The following STAG1 variants were observed in gnomAD, a reference collection of about 807,000 sequenced individuals.
STAG1 encodes cohesin subunit SA-1.
In STAG1, 26 loss-of-function variants were observed where a neutral mutation model predicts 170.9. The observed-to-expected ratio is 0.15, with a 90% CI of 0.11 to 0.21. The LOEUF (loss-of-function observed/expected upper bound fraction) is 0.21, where lower values mean the gene tolerates loss of function less well. Ranked by LOEUF, STAG1 falls within the 10% of genes least tolerant of loss-of-function variation. The pLI is 1.00. For missense variants in STAG1, 964 were observed against 1,509.5 expected, an observed-to-expected ratio of 0.64 and a Z score of 5.99; for synonymous variants, 514 against 497.7, an observed-to-expected ratio of 1.03 and a Z score of -0.44.
chr3:136,639,485 A>C (rs1940710909), intron 1 of STAG1, among the ~76,000 whole-genome samples: 2 of 152,228 alleles, frequency 1.3e-5, no homozygotes, highest in African/African-American at 4.8e-5. Context: ...CATACAAATA[A>C]GAATTGTGTG....
chr3:136,611,022 G>A (rs1316139544), intron 3 of STAG1, among the ~76,000 whole-genome samples: 1 of 152,090 alleles, frequency 6.6e-6, no homozygotes, highest in Non-Finnish European at 1.5e-5. Flanking sequence ...CAGACTTCCA[G>A]TTTTTTCAAA....
At chr3:136,508,596 G>A (rs1559847914) in intron 7 of STAG1, among the ~76,000 whole-genome samples, 1 of 152,192 alleles carries the variant, frequency 6.6e-6, no homozygotes, top group East Asian at 1.9e-4. Context: ...GCCGAGGTGG[G>A]AGGATTACAT....
intron 5 of STAG1, among the ~76,000 whole-genome samples, chr3:136,553,965 G>A (rs1044020903): frequency 6.6e-6 from 1 of 151,778 alleles, no homozygotes; most frequent in Non-Finnish European, 1.5e-5. Context: ...CTAAAAGACA[G>A]ACTGAATTAA....
intron 14 of STAG1, among the ~76,000 whole-genome samples, chr3:136,446,690 T>G (rs1370615123): frequency 1.3e-5 from 2 of 152,010 alleles, no homozygotes; most frequent in East Asian, 1.9e-4. Context: ...CCCAAAGTGT[T>G]GGGATTACAG....
intron 1 of STAG1, among the ~76,000 whole-genome samples, chr3:136,720,249 C>G (rs1202827777): frequency 6.6e-6 from 1 of 151,644 alleles, no homozygotes; most frequent in Non-Finnish European, 1.5e-5. Flanking sequence ...GATAAACCAT[C>G]TGTGTGGAAT....
Position 136,459,759 on chromosome 3 carries a change from C to A in STAG1, c.1313+5122G>T, listed in dbSNP as rs530806910. On this transcript the variant is annotated intron_variant, in intron 13 of 33. Transcript: ENST00000383202. Reference sequence around the variant, plus strand: ...GTAAATTAGACAACACGCTCCTGAACAACAAATGGTTCAAAGAAGAAATTT... The same window carrying A: ...GTAAATTAGACAACACGCTCCTGAAAAACAAATGGTTCAAAGAAGAAATTT... Among the ~76,000 whole-genome samples, 4 of 152,126 alleles carry A rather than the reference C, an allele frequency of 2.6e-5. No individual in the cohort carries two copies. The South Asian group carries it at 8.3e-4, about 32-fold the overall frequency.
At chr3:136,551,258 AGAG>A (rs1936386125) in intron 5 of STAG1, among the ~76,000 whole-genome samples, 1 of 122,378 alleles carries the variant, frequency 8.2e-6, no homozygotes, top group Non-Finnish European at 1.8e-5. Flanking sequence ...AGAGAGAGAG[AGAG>A]GGAGAGCGAG....
At chr3:136,540,616 G>A (rs1389717744) in intron 6 of STAG1, among the ~76,000 whole-genome samples, 6 of 151,930 alleles carry the variant, frequency 3.9e-5, no homozygotes, top group Middle Eastern at 3.4e-3. Context: ...GAGGTCAGGA[G>A]TTCCAGATCA....
chr3:136,485,164 A>G (rs28718456), intron 9 of STAG1, among the ~76,000 whole-genome samples: 28,626 of 152,224 alleles, frequency 0.19, 3,096 homozygotes, highest in Non-Finnish European at 0.24. Context: ...CAGTATAAAA[A>G]GTAGCTCTAC....
intron 3 of STAG1, among the ~76,000 whole-genome samples, chr3:136,619,756 C>CAAAAAAA (rs62857261): frequency 4.4e-5 from 3 of 67,752 alleles, no homozygotes; most frequent in Non-Finnish European, 5.2e-5. Context: ...GACTCTGTCT[C>CAAAAAAA]AAAAAAAAAA....
chr3:136,520,812 G>C (rs186948709), intron 7 of STAG1, among the ~76,000 whole-genome samples: 1 of 152,154 alleles, frequency 6.6e-6, no homozygotes, highest in East Asian at 1.9e-4. Flanking sequence ...ATATAAACAA[G>C]TATTTACCCA....
chr3:136,486,491 A>G (rs1027690290), intron 9 of STAG1, among the ~76,000 whole-genome samples: 8 of 152,204 alleles, frequency 5.3e-5, no homozygotes, highest in Non-Finnish European at 1.0e-4. Context: ...AAATCATATC[A>G]TTTTAGCTCT....
At chr3:136,425,710 TTA>T (rs752180733) in intron 16 of STAG1, among the ~76,000 whole-genome samples, 72 of 149,872 alleles carry the variant, frequency 4.8e-4, no homozygotes, top group Non-Finnish European at 1.2e-4. Context: ...GTATGTATGT[TTA>T]TATATATGTA....
intron 9 of STAG1, chr3:136,500,006 C>G (rs1933384403): frequency 4.7e-6 from 2 of 423,030 alleles, no homozygotes; most frequent in South Asian, 2.6e-5. Context: ...CTACTTCCAA[C>G]AGCATATGTT....
intron 1 of STAG1, among the ~76,000 whole-genome samples, chr3:136,644,008 T>A (rs569838841): frequency 2.2e-4 from 33 of 152,184 alleles, no homozygotes; most frequent in Non-Finnish European, 4.1e-4. Context: ...CCATTTCAAT[T>A]TTGGCTAAAT....
intron 5 of STAG1, among the ~76,000 whole-genome samples, chr3:136,559,390 AT>A (rs1936750907): frequency 6.6e-6 from 1 of 152,178 alleles, no homozygotes; most frequent in Admixed American, 6.5e-5. Flanking sequence ...AAAAATAACA[AT>A]TAAAAAAAAG....
intron 16 of STAG1, among the ~76,000 whole-genome samples, chr3:136,432,377 C>T (rs2088328715): frequency 6.6e-6 from 1 of 152,100 alleles, no homozygotes; most frequent in Non-Finnish European, 1.5e-5. Context: ...TACTGAGAAG[C>T]CATTTCTATT....
intron 1 of STAG1, among the ~76,000 whole-genome samples, chr3:136,703,328 G>T (rs1300300040): frequency 6.6e-6 from 1 of 152,116 alleles, no homozygotes; most frequent in Non-Finnish European, 1.5e-5. Flanking sequence ...CACCAGCTAG[G>T]AGGCAAGCAC....
intron 5 of STAG1, among the ~76,000 whole-genome samples, chr3:136,563,514 A>G (rs1365562341): frequency 1.3e-5 from 2 of 151,728 alleles, no homozygotes; most frequent in South Asian, 2.1e-4. Context: ...TTTCCGACAC[A>G]CACACACGCA....
Sources: gnomAD v4.1 joint callset for allele counts (sites outside exome capture counted in the v4.1 genomes callset) on GRCh38, gnomAD v4.1.1 for gene constraint, MANE v1.5 for transcripts, NCBI Gene and HGNC (gene_info 2026-07-23, HGNC 2026-07-21) for gene names.